Variants in TASOR observed in about 807,000 individuals in gnomAD.
TASOR encodes the protein transcription activation suppressor, also known as protein TASOR.
In TASOR, 53 loss-of-function variants were observed where a neutral mutation model predicts 178.6. The ratio of observed to expected loss-of-function variants is 0.30; its 90% CI spans 0.24 to 0.37. The LOEUF is 0.37. Ranked by LOEUF, TASOR falls within the 10% of genes least tolerant of loss-of-function variation. The pLI, the probability that TASOR is intolerant of heterozygous loss-of-function variation, is 1.00. For synonymous variants in TASOR, 713 were observed against 696.2 expected, an observed-to-expected ratio of 1.02 and a Z score of -0.38; for missense variants, 1,815 against 1,971.4, an observed-to-expected ratio of 0.92 and a Z score of 1.50.
chr3:56,627,076 A>G lies in TASOR; in HGVS notation c.4100T>C (p.Val1367Ala), dbSNP rs567213641. ...TAGTTTCTTCTGAAATTTACAGTGG[A>G]CTTTCCATTGCCATTTTCCTTCTGG... is the stretch of plus-strand genomic sequence containing the variant. ...STPEGKWQWK[V>A]HCKFQKKLKE... The change falls in exon 21 of 24, where the codon GTC becomes GCC. Residue 1367 changes from valine (V) to alanine (A), a missense_variant. Transcript: ENST00000683822. 6.2e-7 allele frequency: 1 copy of G among 1,612,566 alleles called. No individual in the cohort carries two copies. The highest frequency in any genetic ancestry group is 2.2e-5 in the East Asian group (1 of 44,774).
chr3:56,677,508 G>C (rs2031411150), intron 1 of TASOR, among the ~76,000 whole-genome samples: 1 of 152,174 alleles, frequency 6.6e-6, no homozygotes, highest in East Asian at 1.9e-4. Flanking sequence ...TTTTGAGTTG[G>C]CCCAAGGTTA....
chr3:56,631,507 T>C (rs991031502), intron 18 of TASOR, among the ~76,000 whole-genome samples: 2 of 152,040 alleles, frequency 1.3e-5, no homozygotes, highest in African/African-American at 4.8e-5. Flanking sequence ...ACCTACCTAC[T>C]GGTAACAAAC....
At chr3:56,635,368 A>G (rs879934140) in intron 17 of TASOR, among the ~76,000 whole-genome samples, 4 of 152,252 alleles carry the variant, frequency 2.6e-5, no homozygotes, top group Non-Finnish European at 5.9e-5. Flanking sequence ...TAAGATAATT[A>G]GGAGTACTAA....
intron 1 of TASOR, among the ~76,000 whole-genome samples, chr3:56,682,320 C>T (rs942342226): frequency 1.3e-5 from 2 of 150,446 alleles, no homozygotes; most frequent in African/African-American, 2.4e-5. Flanking sequence ...ATTTCCATAG[C>T]GAGACTTCTC....
intron 11 of TASOR, among the ~76,000 whole-genome samples, chr3:56,651,421 G>T (rs1180849517): frequency 6.6e-6 from 1 of 152,100 alleles, no homozygotes; most frequent in Non-Finnish European, 1.5e-5. Context: ...TGGGCCAGGC[G>T]CAGTGGCTCA....
Position 56,666,218 on chromosome 3 carries a change from G to C in TASOR, c.1022+42C>G, listed in dbSNP as rs746868527. 9 of 1,465,946 alleles carry C rather than the reference G, an allele frequency of 6.1e-6. No homozygotes were observed. In the African/African-American group the frequency reaches 1.2e-4, roughly 19 times the overall value. The allele number at this position is 1,465,946 out of a possible 1,614,324, so 90.8% of individuals were successfully genotyped here. A position where few individuals can be genotyped will look rare whatever the true frequency, so the allele number is the denominator to read the frequency against. On this transcript the variant is annotated intron_variant, in intron 7 of 23. Transcript: ENST00000683822. ...ACTCAGTAGTACAGGATCTGTAGTA[G>C]AATTATCACTGCGGATGATGTCTAA...
In TASOR at chr3:56,641,592, T is replaced by C. The variant is rs2077125977; in HGVS notation, c.2376A>G (p.Thr792=). The C allele has an allele frequency of 6.2e-7, 1 of 1,614,212 alleles. No individual in the cohort carries two copies. Among genetic ancestry groups the C allele is most frequent in the Non-Finnish European group, 8.5e-7 (1 of 1,180,038 alleles). ...TGCTCAATCCTAAGGCTTTGTTGAC[T>C]GTGTCTGTCAGAGATGCATCAGAAT... ...ARHSDASLTD[T]VNKALGLSTD... The change falls in exon 15 of 24, where the codon ACA becomes ACG. Residue 792 remains threonine, a synonymous_variant. Coordinates refer to ENST00000683822, the MANE Select transcript of TASOR (RefSeq NM_001365635.2).
intron 6 of TASOR, among the ~76,000 whole-genome samples, chr3:56,666,961 T>G (rs937049730): frequency 6.6e-6 from 1 of 152,230 alleles, no homozygotes; most frequent in African/African-American, 2.4e-5. Flanking sequence ...GATTTTCACT[T>G]TAAGAATGCC....
rs968693468 is a variant in TASOR at position 56,638,926 on chromosome 3, A to G, written c.2765-161T>C. On this transcript the variant is annotated intron_variant, in intron 16 of 23. Transcript: ENST00000683822. The stretch of plus-strand genomic sequence containing the variant: ...ATGATGGAATATCAACACTTAAGAC[A>G]TTGTACCTTCAAATGACCCAACACC... Among the ~76,000 whole-genome samples, 7 of 152,234 alleles carry G rather than the reference A, an allele frequency of 4.6e-5. No individual in the cohort carries two copies. The East Asian group carries it at 1.2e-3, about 25-fold the overall frequency.
chr3:56,627,543 CAGAAG>C, intron 20 of TASOR, 34 bp downstream of exon 20: 1 of 1,604,940 alleles, frequency 6.2e-7, no homozygotes, highest in Non-Finnish European at 8.5e-7. Context: ...GTATGAGAGT[CAGAAG>C]AGGAGTTACG....
At chr3:56,661,385 G>A (rs2077592122) in intron 9 of TASOR, among the ~76,000 whole-genome samples, 1 of 152,102 alleles carries the variant, frequency 6.6e-6, no homozygotes, top group Non-Finnish European at 1.5e-5. Flanking sequence ...CAAATTCCCG[G>A]TCTCAAGTGA....
At chr3:56,675,128 C>T (rs1363482469) in intron 1 of TASOR, among the ~76,000 whole-genome samples, 1 of 151,208 alleles carries the variant, frequency 6.6e-6, no homozygotes, top group African/African-American at 2.4e-5. Context: ...CCAGCCAGGA[C>T]ATTTAAGTTT....
At chr3:56,678,737 G>A (rs753252692) in intron 1 of TASOR, among the ~76,000 whole-genome samples, 3 of 152,072 alleles carry the variant, frequency 2.0e-5, no homozygotes, top group Non-Finnish European at 2.9e-5. Flanking sequence ...GGGGCTGGGC[G>A]TGGCGGCTCA....
At chr3:56,657,638 A>T (rs2077501141) in intron 11 of TASOR, among the ~76,000 whole-genome samples, 1 of 152,156 alleles carries the variant, frequency 6.6e-6, no homozygotes, top group Non-Finnish European at 1.5e-5. Context: ...CAGCAAAGAG[A>T]GGTTCCTAGG....
In TASOR at chr3:56,666,269, G is replaced by T; in HGVS notation, c.1013C>A (p.Pro338His). ...AACTCCTAAGTCTTACCTTGATGAA[G>T]GTACAAACTTCGGAGTTTGTATATC... ...KDDIQTPKFVPSSRSNSFNTD... is the reference protein window; with the variant it reads ...KDDIQTPKFVHSSRSNSFNTD... Residue 338 changes from proline (P) to histidine (H), a missense_variant, in exon 7 of 24, where the codon CCT becomes CAT. Physicochemically the swap from Pro to His is moderately conservative, Grantham distance 77. Transcript: ENST00000683822. The T allele has an allele frequency of 6.5e-7, 1 of 1,538,578 alleles. No individual in the cohort carries two copies. Among genetic ancestry groups the T allele is most frequent in the South Asian group, 1.2e-5 (1 of 80,062 alleles).
chr3:56,625,178 G>A (rs922522228), intron 21 of TASOR, among the ~76,000 whole-genome samples, 172 bp from the exon 22 acceptor site: 5 of 151,448 alleles, frequency 3.3e-5, no homozygotes, highest in South Asian at 2.1e-4. Flanking sequence ...AAGAAAGAAG[G>A]GATAAGTCCA....
chr3:56,668,167 G>A (rs1578282299), intron 6 of TASOR, among the ~76,000 whole-genome samples: 1 of 152,094 alleles, frequency 6.6e-6, no homozygotes, highest in Non-Finnish European at 1.5e-5. Context: ...GCTAGACTAG[G>A]GAGTCTATAA....
rs1302873729 is a variant in TASOR, at chr3:56,620,932, C to G, written c.*2105G>C. On this transcript the variant is annotated 3_prime_UTR_variant, in exon 24 of 24. Transcript: ENST00000683822. ...CTTTGGGAGGCTGAGGCAGGCAGAT[C>G]ATGAGGTCAGGAGATCAAGACCATC... 6.6e-6 allele frequency: 1 copy of G among 152,324 alleles called. No individual in the cohort carries two copies. Among genetic ancestry groups the G allele is most frequent in the Non-Finnish European group, 1.5e-5 (1 of 68,322 alleles). 9.4% of individuals were successfully genotyped at this position (152,324 alleles called of 1,614,324 possible). A position where few individuals can be genotyped will look rare whatever the true frequency, so the allele number is the denominator to read the frequency against.
intron 11 of TASOR, among the ~76,000 whole-genome samples, chr3:56,658,924 GAGAC>G (rs2077532280): frequency 6.9e-6 from 1 of 144,880 alleles, no homozygotes; most frequent in Non-Finnish European, 1.5e-5. Flanking sequence ...AAAAGAGAGA[GAGAC>G]AGAGAGTGAG....
Sources: gnomAD v4.1 joint callset for allele counts (sites outside exome capture counted in the v4.1 genomes callset) on GRCh38, gnomAD v4.1.1 for gene constraint, MANE v1.5 for transcripts, NCBI Gene and HGNC (gene_info 2026-07-23, HGNC 2026-07-21) for gene names.